ARSB: variants seen among roughly 807,000 people sequenced by gnomAD.
ARSB encodes the protein N-acetylgalactosamine-4-sulfatase.
ARSB carries 41 observed loss-of-function variants against 50.9 expected under a neutral mutation model. That is an observed-to-expected ratio of 0.81 (90% confidence interval 0.63 to 1.04). ARSB has a LOEUF of 1.04. ARSB is among the 50% of genes least tolerant of loss of function. The pLI, the probability that ARSB is intolerant of heterozygous loss-of-function variation, is 0.00. For synonymous variants in ARSB, 269 were observed against 284.8 expected, an observed-to-expected ratio of 0.94 and a Z score of 0.56; for missense variants, 672 against 693.3, an observed-to-expected ratio of 0.97 and a Z score of 0.35.
At position 78,779,864 on chromosome 5, in the gene ARSB, G is replaced by A. The variant is rs1748874882; in HGVS notation, c.*533C>T. 6.0e-6 allele frequency: 1 copy of A among 167,434 alleles called. No individual in the cohort carries two copies. The highest frequency in any genetic ancestry group is 2.4e-5 in the African/African-American group (1 of 41,590). 10.4% of individuals were successfully genotyped at this position (167,434 alleles called of 1,614,324 possible). ...ACCTGAACAACAAAATGGGCCTTAT[G>A]CTCTGTGATGAGATAAGTGAGTAAG... On this transcript the variant is annotated 3_prime_UTR_variant, in exon 8 of 8. Transcript: ENST00000264914.
At chr5:78,818,687 G>A (rs373035072) in intron 6 of ARSB, among the ~76,000 whole-genome samples, 13 of 133,996 alleles carry the variant, frequency 9.7e-5, no homozygotes, top group African/African-American at 3.7e-4. Flanking sequence ...TCTCAATCTC[G>A]GCTCACTGCA....
intron 4 of ARSB, among the ~76,000 whole-genome samples, chr5:78,887,637 T>C (rs1748098306): frequency 6.6e-6 from 1 of 152,206 alleles, no homozygotes; most frequent in South Asian, 2.1e-4. Context: ...TCTTAAAATT[T>C]ACAACAACCC....
At chr5:78,928,923 C>A (rs1184178237) in intron 4 of ARSB, among the ~76,000 whole-genome samples, 3 of 152,276 alleles carry the variant, frequency 2.0e-5, no homozygotes, top group African/African-American at 7.2e-5. Context: ...GCTGGACAGG[C>A]CTAGTCAACA....
At chr5:78,981,726 C>T (rs1642116772) in intron 1 of ARSB, among the ~76,000 whole-genome samples, 1 of 152,198 alleles carries the variant, frequency 6.6e-6, no homozygotes, top group East Asian at 1.9e-4. Context: ...CTAACCAGTC[C>T]TCTTTACTCA....
intron 2 of ARSB, among the ~76,000 whole-genome samples, chr5:78,965,069 G>C (rs1258540180): frequency 6.6e-6 from 1 of 152,096 alleles, no homozygotes; most frequent in East Asian, 1.9e-4. Context: ...GTGGTTCTAG[G>C]AAGAGTCATC....
chr5:78,851,039 T>A (rs9763635), intron 5 of ARSB, among the ~76,000 whole-genome samples: 7,449 of 152,246 alleles, frequency 0.049, 584 homozygotes, highest in African/African-American at 0.17. Context: ...TTTTGAAGGG[T>A]TTTTTGTGCC....
chr5:78,812,303 T>C (rs1223102985), intron 6 of ARSB, among the ~76,000 whole-genome samples: 4 of 152,078 alleles, frequency 2.6e-5, no homozygotes, highest in Non-Finnish European at 5.9e-5. Context: ...AACAATACCC[T>C]GGAGGGCACA....
chr5:78,802,444 T>C (rs1455755236), intron 6 of ARSB, among the ~76,000 whole-genome samples: 1 of 152,182 alleles, frequency 6.6e-6, no homozygotes, highest in Non-Finnish European at 1.5e-5. Context: ...CCTAGCACCG[T>C]GTGGGTGTTT....
At chr5:78,964,650 T>C in intron 2 of ARSB, 44 bp from the exon 3 acceptor site, 1 of 1,574,594 alleles carries the variant, frequency 6.4e-7, no homozygotes, top group East Asian at 2.2e-5. Flanking sequence ...GCATAAAACT[T>C]GTTAAACAAA....
chr5:78,784,798 C>CTTT (rs370754347), intron 6 of ARSB, among the ~76,000 whole-genome samples: 7 of 124,832 alleles, frequency 5.6e-5, no homozygotes, highest in South Asian at 2.6e-4. Flanking sequence ...TTTTATTAGT[C>CTTT]TTTTTTTTTT....
chr5:78,864,538 C>G (rs1746613011), intron 5 of ARSB, among the ~76,000 whole-genome samples: 1 of 152,146 alleles, frequency 6.6e-6, no homozygotes, highest in South Asian at 2.1e-4. Context: ...GGTGGGGACA[C>G]AGAGCCAAAC....
At chr5:78,950,707 A>G (rs73771319) in intron 4 of ARSB, among the ~76,000 whole-genome samples, 3,986 of 152,168 alleles carry the variant, frequency 0.026, 180 homozygotes, top group African/African-American at 0.088. Context: ...GCCACCAGGA[A>G]CTCTGTGAGG....
chr5:78,985,350 G>T, upstream of ARSB: 1 of 1,131,372 alleles, frequency 8.8e-7, no homozygotes, highest in Non-Finnish European at 1.1e-6. Flanking sequence ...CCCCGGCGCG[G>T]GACGGCACCC....
At chr5:78,850,223 G>C (rs988456775) in intron 5 of ARSB, among the ~76,000 whole-genome samples, 1 of 152,224 alleles carries the variant, frequency 6.6e-6, no homozygotes, top group Non-Finnish European at 1.5e-5. Flanking sequence ...ATTATTTTGA[G>C]ATACGTCCCA....
intron 4 of ARSB, among the ~76,000 whole-genome samples, chr5:78,952,732 C>A (rs186992602): frequency 4.6e-5 from 7 of 152,318 alleles, no homozygotes; most frequent in Admixed American, 2.6e-4. Context: ...TGTCTGAGCA[C>A]ATTTAAGCCC....
chr5:78,942,173 T>C (rs1487318116), intron 4 of ARSB, among the ~76,000 whole-genome samples: 1 of 152,224 alleles, frequency 6.6e-6, no homozygotes, highest in African/African-American at 2.4e-5. Context: ...TCTTCTCTCT[T>C]TTCTTCTTTA....
rs1350513201 is a variant in ARSB, at chr5:78,868,037, C to T, written c.1142+17547G>A. ...AATGCAGAAGCCTCAGGAGCCGATG[C>T]GATCAACTGGAAGAAAGGGTATCAG... On this transcript the variant is annotated intron_variant, in intron 5 of 7. Coordinates refer to ENST00000264914, the MANE Select transcript of ARSB (RefSeq NM_000046.5). Among the ~76,000 whole-genome samples the T allele has an allele frequency of 1.1e-4, 15 of 135,744 alleles. No homozygotes were observed. The South Asian group carries it at 1.4e-3, about 12-fold the overall frequency. 89.1% of individuals were successfully genotyped at this position (135,744 alleles called of 152,430 possible).
chr5:78,902,127 C>T (rs1748837209), intron 4 of ARSB, among the ~76,000 whole-genome samples: 1 of 152,210 alleles, frequency 6.6e-6, no homozygotes, highest in African/African-American at 2.4e-5. Flanking sequence ...TGACAGAGGG[C>T]ATCATATGAT....
In ARSB at chr5:78,968,900, T is replaced by C; in HGVS notation, c.499+106A>G. Reference sequence around the variant, plus strand: ...CCCATTACAGTGCCGACTGATTCACTCTGTGTTCAAATATCCAGTTCTTTC... The same window carrying C: ...CCCATTACAGTGCCGACTGATTCACCCTGTGTTCAAATATCCAGTTCTTTC... On this transcript the variant is annotated intron_variant, in intron 2 of 7. Transcript: ENST00000264914. The C allele has an allele frequency of 6.9e-6, 9 of 1,310,960 alleles. No individual in the cohort carries two copies. Among genetic ancestry groups the C allele is most frequent in the Non-Finnish European group, 9.9e-6 (9 of 909,662 alleles). The allele number at this position is 1,310,960 out of a possible 1,614,324, so 81.2% of individuals were successfully genotyped here. A position where few individuals can be genotyped will look rare whatever the true frequency, so the allele number is the denominator to read the frequency against.
Sources: gnomAD v4.1 joint callset for allele counts (sites outside exome capture counted in the v4.1 genomes callset) on GRCh38, gnomAD v4.1.1 for gene constraint, MANE v1.5 for transcripts, NCBI Gene and HGNC (gene_info 2026-07-23, HGNC 2026-07-21) for gene names.